HECTD2: variants seen among roughly 807,000 people sequenced by gnomAD.
HECTD2 encodes the protein HECT domain E3 ubiquitin protein ligase 2, also known as probable E3 ubiquitin-protein ligase HECTD2.
A neutral mutation model predicts 103.2 loss-of-function variants in HECTD2; 35 were observed. The ratio of observed to expected loss-of-function variants is 0.34; its 90% CI spans 0.26 to 0.45. HECTD2 has a LOEUF of 0.45. Ranked by LOEUF, HECTD2 falls within the 20% of genes least tolerant of loss-of-function variation. The probability of loss-of-function intolerance (pLI) is 1.00; values close to 1 mark genes in which losing one functional copy is unlikely to be tolerated. For missense variants in HECTD2, 596 were observed against 937.4 expected, an observed-to-expected ratio of 0.64 and a Z score of 4.76; for synonymous variants, 281 against 329.9, an observed-to-expected ratio of 0.85 and a Z score of 1.61.
At chr10:91,422,304 C>T (rs1333992771) in intron 1 of HECTD2, among the ~76,000 whole-genome samples, 1 of 152,116 alleles carries the variant, frequency 6.6e-6, no homozygotes, top group African/African-American at 2.4e-5. Flanking sequence ...TCTTAGATAA[C>T]ATTCATGACA....
intron 1 of HECTD2, among the ~76,000 whole-genome samples, chr10:91,420,234 T>G (rs1161905970): frequency 6.6e-6 from 1 of 151,772 alleles, no homozygotes; most frequent in Non-Finnish European, 1.5e-5. Context: ...AAGAGACTTA[T>G]TAGACCAAGG....
chr10:91,501,748 A>C (rs1429678524), intron 20 of HECTD2, among the ~76,000 whole-genome samples: 1 of 149,786 alleles, frequency 6.7e-6, no homozygotes, highest in Non-Finnish European at 1.5e-5. Flanking sequence ...TACTATAATT[A>C]TTACCAGAAG....
intron 5 of HECTD2, among the ~76,000 whole-genome samples, chr10:91,476,879 TAAA>T (rs1036868313): frequency 1.3e-5 from 2 of 151,842 alleles, no homozygotes; most frequent in African/African-American, 4.8e-5. Context: ...GGGGAGGGGA[TAAA>T]AACCCCTGCG....
chr10:91,508,746 C>T (rs1847298440), intron 20 of HECTD2, among the ~76,000 whole-genome samples: 2 of 150,936 alleles, frequency 1.3e-5, no homozygotes, highest in East Asian at 3.9e-4. Context: ...ACTAGAAATA[C>T]CATTTGACCC....
At position 91,501,205 on chromosome 10, in the gene HECTD2, T is replaced by C; in HGVS notation, c.2081T>C (p.Val694Ala). ...TDLTIKYFWD[V>A]VLGFPLDLQK... ...GTATTCTCTAGATACTTTTGGGATG[T>C]TGTGCTTGGATTTCCTCTTGATCTT... Residue 694 changes from valine (V) to alanine (A), a missense_variant, in exon 20 of 21, where the codon GTT becomes GCT. By Grantham distance (64) the Val-to-Ala change is moderately conservative (BLOSUM62 0). This residue lies in a region of HECTD2 where 69 missense variants were observed against 153.8 expected (regional missense o/e 0.45). Transcript: ENST00000298068. 6.2e-7 allele frequency: 1 copy of C among 1,609,718 alleles called. No homozygotes were observed.
chr10:91,427,606 G>A (rs1204015021), intron 2 of HECTD2, among the ~76,000 whole-genome samples: 1 of 152,126 alleles, frequency 6.6e-6, no homozygotes, highest in Non-Finnish European at 1.5e-5. Context: ...GGCCAGTGAT[G>A]ATCATTTTTT....
At chr10:91,453,148 A>G (rs1844910065) in intron 2 of HECTD2, among the ~76,000 whole-genome samples, 2 of 152,168 alleles carry the variant, frequency 1.3e-5, no homozygotes, top group South Asian at 2.1e-4. Context: ...TAAGAAAATT[A>G]TGGCCGAGTG....
At chr10:91,509,186 A>T (rs183841087) in intron 20 of HECTD2, among the ~76,000 whole-genome samples, 140 of 151,598 alleles carry the variant, frequency 9.2e-4, no homozygotes, top group African/African-American at 3.0e-3. Context: ...ATGACGGGTT[A>T]GTGGGTGCAG....
chr10:91,449,821 G>A (rs1392512479), intron 2 of HECTD2, among the ~76,000 whole-genome samples: 1 of 143,346 alleles, frequency 7.0e-6, no homozygotes. Flanking sequence ...AACTTACAAA[G>A]TATGTGAAGG....
At position 91,487,914 on chromosome 10, in the gene HECTD2, C is replaced by T; in HGVS notation, c.1191+136C>T. The T allele has an allele frequency of 1.9e-6, 1 of 524,480 alleles. No homozygotes were observed. The highest frequency in any genetic ancestry group is 3.7e-5 in the South Asian group (1 of 27,344). The allele number at this position is 524,480 out of a possible 1,614,324, so 32.5% of individuals were successfully genotyped here. On this transcript the variant is annotated intron_variant, in intron 11 of 20. Transcript: ENST00000298068. This position sits in a 1 kb window ranked among gnomAD's most constrained non-coding sequence, Gnocchi z 4.1. ...AAGCAAAATTCGTGTTATACTCACCCAAAAAGTGCTTAAAAACTATTTACA... is the reference window on the plus strand; with the variant it reads ...AAGCAAAATTCGTGTTATACTCACCTAAAAAGTGCTTAAAAACTATTTACA...
intron 5 of HECTD2, among the ~76,000 whole-genome samples, chr10:91,467,853 A>G (rs951859102): frequency 6.6e-6 from 1 of 151,876 alleles, no homozygotes; most frequent in Non-Finnish European, 1.5e-5. Flanking sequence ...TGCTGCTGCA[A>G]AAATGCACAC....
intron 1 of HECTD2, among the ~76,000 whole-genome samples, chr10:91,423,239 G>A (rs1382736717): frequency 6.6e-6 from 1 of 152,214 alleles, no homozygotes; most frequent in East Asian, 1.9e-4. Context: ...CATTCAAACT[G>A]GAGTTTGAAT....
intron 5 of HECTD2, chr10:91,462,728 T>C: frequency 3.0e-6 from 3 of 986,524 alleles, no homozygotes; most frequent in Non-Finnish European, 3.6e-6. Context: ...AAAGACAGAA[T>C]GTAAACAAAG....
In HECTD2 at chr10:91,487,719, G is replaced by T; in HGVS notation, c.1132G>T (p.Ala378Ser). 6.2e-7 allele frequency: 1 copy of T among 1,611,716 alleles called. No homozygotes were observed. The stretch of plus-strand genomic sequence containing the variant: ...TCAGTACCCATTCGTTATTTCTGTA[G>T]CTGCAAAAAAAATCATTATTCAGAG... ...FCQYPFVISV[A>S]AKKIIIQRDS... Residue 378 changes from alanine (A) to serine (S), a missense_variant, in exon 11 of 21, where the codon GCT (alanine) becomes TCT (serine). Ala to Ser is a moderately conservative substitution (Grantham distance 99). Around this residue, in one of 4 missense-constraint regions of HECTD2, gnomAD observed 303 missense variants for 522.5 expected, o/e 0.58. Coordinates refer to ENST00000298068, the MANE Select transcript of HECTD2 (RefSeq NM_182765.6). The surrounding 1 kb of genome is among the most constrained non-coding windows in gnomAD (Gnocchi z 4.1).
intron 2 of HECTD2, among the ~76,000 whole-genome samples, chr10:91,455,789 A>G (rs996213620): frequency 3.9e-5 from 6 of 152,130 alleles, no homozygotes; most frequent in African/African-American, 1.4e-4. Context: ...CTTTCTACAT[A>G]TGGCTAGCCA....
intron 2 of HECTD2, among the ~76,000 whole-genome samples, chr10:91,443,726 CAGATGATGCTGATGTTGCT>C (rs1237476863): frequency 1.8e-4 from 27 of 152,102 alleles, no homozygotes; most frequent in Admixed American, 1.8e-3. Flanking sequence ...TAGATGTTCC[CAGATGATGCTGATGTTGCT>C]AGTCTGCACA....
At chr10:91,461,427 T>C in intron 4 of HECTD2, 71 bp downstream of exon 4, 1 of 720,760 alleles carries the variant, frequency 1.4e-6, no homozygotes, top group Non-Finnish European at 2.3e-6. Context: ...TAAATTTACC[T>C]CATTTTCTAC....
Position 91,462,365 on chromosome 10 carries a change from G to C in HECTD2, c.600+181G>C, listed in dbSNP as rs562932213. On this transcript the variant is annotated intron_variant, in intron 5 of 20. Coordinates refer to ENST00000298068, the MANE Select transcript of HECTD2 (RefSeq NM_182765.6). ...TTTTATTCTTTTATTTTTTAATTAT[G>C]AATTAAGCAGCAAATACTTTTATAT... is the stretch of plus-strand genomic sequence containing the variant. The C allele has an allele frequency of 2.2e-5, 24 of 1,107,048 alleles. No homozygotes were observed. In the African/African-American group the frequency reaches 2.3e-4, roughly 11 times the overall value. 68.6% of individuals were successfully genotyped at this position (1,107,048 alleles called of 1,614,324 possible).
At chr10:91,419,083 C>G (rs1338068176) in intron 1 of HECTD2, among the ~76,000 whole-genome samples, 1 of 151,958 alleles carries the variant, frequency 6.6e-6, no homozygotes, top group Admixed American at 6.6e-5. Flanking sequence ...GATGGAACAG[C>G]CAGCACTTAC....
Sources: allele counts gnomAD v4.1 joint callset (sites outside exome capture counted in the v4.1 genomes callset), GRCh38; gene constraint gnomAD v4.1.1; regional missense constraint gnomAD v4.1.1; non-coding constraint Gnocchi (gnomAD v3.1); transcripts MANE v1.5; gene names NCBI Gene and HGNC (gene_info 2026-07-23, HGNC 2026-07-21).